ARHGEF40: variants seen among roughly 807,000 people sequenced by gnomAD.
The protein encoded by ARHGEF40 is Rho guanine nucleotide exchange factor (GEF) 40.
Under a neutral mutation model 165.9 loss-of-function variants are expected in ARHGEF40, and 98 were observed. That is an observed-to-expected ratio of 0.59 (90% CI 0.50 to 0.70). The LOEUF is 0.70. ARHGEF40 is among the 30% of genes least tolerant of loss of function. The pLI is 0.00. For missense variants in ARHGEF40, 1,815 were observed against 1,968.0 expected, an observed-to-expected ratio of 0.92 and a Z score of 1.47; for synonymous variants, 792 against 814.3, an observed-to-expected ratio of 0.97 and a Z score of 0.47.
In ARHGEF40 at chr14:21,078,960, C is replaced by G. The variant is rs796892810; in HGVS notation, c.2323C>G (p.Leu775Val). 3.1e-6 allele frequency: 5 copies of G among 1,614,090 alleles called. No homozygotes were observed. The highest frequency in any genetic ancestry group is 4.2e-6 in the Non-Finnish European group (5 of 1,180,020). Residue 775 changes from leucine to valine, a missense_variant, in exon 11 of 24, where the codon CTG becomes GTG. Coordinates refer to ENST00000298694, the MANE Select transcript of ARHGEF40 (RefSeq NM_018071.5). ...TCACCAGCTTGTGCGCCTCTCCAACCTGCACGTGCAGCAGCAAGAGCAGCG... is the reference window on the plus strand; with the variant it reads ...TCACCAGCTTGTGCGCCTCTCCAACGTGCACGTGCAGCAGCAAGAGCAGCG... ...AIHQLVRLSNLHVQQQEQRQC... is the reference protein window; with the variant it reads ...AIHQLVRLSNVHVQQQEQRQC...
At chr14:21,083,340 G>A (rs563139383) in intron 16 of ARHGEF40, among the ~76,000 whole-genome samples, 1 of 150,584 alleles carries the variant, frequency 6.6e-6, no homozygotes, top group Non-Finnish European at 1.5e-5. Context: ...AGGAGATTGA[G>A]ACTATCTGGC....
At position 21,080,711 on chromosome 14, in the gene ARHGEF40, A is replaced by T; in HGVS notation, c.2425A>T (p.Met809Leu). 1.9e-6 allele frequency: 3 copies of T among 1,612,278 alleles called. No homozygotes were observed. Among genetic ancestry groups the T allele is most frequent in the Non-Finnish European group, 2.5e-6 (3 of 1,179,256 alleles). The change falls in exon 12 of 24, where the codon ATG (methionine) becomes TTG (leucine). Residue 809 changes from methionine (M) to leucine (L), a missense_variant. Coordinates refer to ENST00000298694, the MANE Select transcript of ARHGEF40 (RefSeq NM_018071.5). ...PGEEQLASFA[M>L]PGDTLSALQE... ...GGAGGAGCAGCTGGCAAGCTTTGCT[A>T]TGCCTGGGGACACCTTGTCTGCCCT...
chr14:21,077,524 A>G (rs1485553681), intron 8 of ARHGEF40, among the ~76,000 whole-genome samples: 1 of 152,126 alleles, frequency 6.6e-6, no homozygotes, highest in East Asian at 1.9e-4. Context: ...GTTTCTGGAA[A>G]GCACTGAGAG....
upstream of ARHGEF40, among the ~76,000 whole-genome samples, chr14:21,067,980 CTTTTTTTTTTTTTTTTTTTT>C (rs1171332473): frequency 4.5e-5 from 1 of 22,262 alleles, no homozygotes; most frequent in African/African-American, 1.1e-4. Flanking sequence ...AGTGGCTCCC[CTTTTTTTTTTTTTTTTTTTT>C]TTTTTTTTTT....
chr14:21,087,420 CGAG>C lies in ARHGEF40; in HGVS notation c.4352_4354del (p.Glu1451del), dbSNP rs968000249. The C allele has an allele frequency of 1.6e-5, 26 of 1,601,356 alleles. No homozygotes were observed. The highest frequency in any genetic ancestry group is 4.4e-5 in the South Asian group (4 of 91,086). On this transcript the variant is annotated inframe_deletion, in exon 21 of 24. Transcript: ENST00000298694. ...GAGCCTGCTCCCTGCCTGCCCGCGTCGAGGAGGAGGCCTGGGATCTGGACGTCA... is the reference window on the plus strand; with the variant it reads ...GAGCCTGCTCCCTGCCTGCCCGCGTCGAGGAGGCCTGGGATCTGGACGTCA...
upstream of ARHGEF40, among the ~76,000 whole-genome samples, chr14:21,067,508 TG>T (rs1276708482): frequency 1.3e-5 from 2 of 152,212 alleles, no homozygotes. Flanking sequence ...GTTCACATCC[TG>T]GTTGCTCATT....
intron 22 of ARHGEF40, among the ~76,000 whole-genome samples, chr14:21,088,496 TAGTG>T (rs1324595112): frequency 1.4e-5 from 2 of 146,626 alleles, no homozygotes; most frequent in Non-Finnish European, 3.0e-5. Flanking sequence ...CTGGGCAACA[TAGTG>T]AGACTCCATC....
chr14:21,082,511 C>G, intron 15 of ARHGEF40, 33 bp downstream of exon 15: 2 of 1,538,644 alleles, frequency 1.3e-6, no homozygotes, highest in East Asian at 2.3e-5. Flanking sequence ...TCCAAGTGCT[C>G]TCCCTTCTCT....
rs1888213514 is a variant in ARHGEF40, at chr14:21,084,834, G to C, written c.3871G>C (p.Val1291Leu). 2 of 1,614,242 alleles carry C rather than the reference G, an allele frequency of 1.2e-6. No homozygotes were observed. The highest frequency in any genetic ancestry group is 4.5e-5 in the East Asian group (2 of 44,886). The change falls in exon 18 of 24, where the codon GTC becomes CTC. Residue 1291 changes from valine to leucine, a missense_variant. Val to Leu is a conservative substitution (Grantham distance 32). Transcript: ENST00000298694. ...TGGCCGAAAGAAGTGCCTTCGCCAT[G>C]TCTTTCTCTTCGAGCATCTCCTCCT... Reference protein sequence around the residue: ...ICGRKKCLRHVFLFEHLLLFS... With the variant: ...ICGRKKCLRHLFLFEHLLLFS...
chr14:21,070,346 GC>G lies in ARHGEF40; in HGVS notation c.-48del. 7.1e-7 allele frequency: 1 copy of G among 1,401,024 alleles called. No homozygotes were observed. Among genetic ancestry groups the G allele is most frequent in the Non-Finnish European group, 9.2e-7 (1 of 1,082,482 alleles). 86.8% of individuals were successfully genotyped at this position (1,401,024 alleles called of 1,614,324 possible). The stretch of plus-strand genomic sequence containing the variant: ...AGCGGCGGGAGGGAGGCGGTGGCGC[GC>G]CCGGCCCCGCCCGCCCGACCAAGCG... On this transcript the variant is annotated 5_prime_UTR_variant, in exon 1 of 24. Coordinates refer to ENST00000298694, the MANE Select transcript of ARHGEF40 (RefSeq NM_018071.5). The surrounding 1 kb of genome is among the most constrained non-coding windows in gnomAD (Gnocchi z 4.7).
rs1594572844 is a variant in ARHGEF40, at chr14:21,082,287, G to A, written c.3295G>A (p.Asp1099Asn). 1 of 1,613,108 alleles carries A rather than the reference G, an allele frequency of 6.2e-7. No homozygotes were observed. ...LVSELIACEQ[D>N]YVATLSEPVP... ...GTCTGAGCTGATTGCCTGTGAACAA[G>A]ATTACGTGGCCACCTTGAGTGAGCC... is the stretch of plus-strand genomic sequence containing the variant. Residue 1099 changes from aspartate to asparagine, a missense_variant, in exon 15 of 24, where the codon GAT becomes AAT. Coordinates refer to ENST00000298694, the MANE Select transcript of ARHGEF40 (RefSeq NM_018071.5).
chr14:21,070,925 G>T lies in ARHGEF40; in HGVS notation c.3+526G>T. Reference sequence around the variant, plus strand: ...ACTGGCCACAGCTGTGGCTGGGCCGGGTCCCGGGGCATGGCCAAAGAGGGA... The same window carrying T: ...ACTGGCCACAGCTGTGGCTGGGCCGTGTCCCGGGGCATGGCCAAAGAGGGA... On this transcript the variant is annotated intron_variant, in intron 1 of 23. Coordinates refer to ENST00000298694, the MANE Select transcript of ARHGEF40 (RefSeq NM_018071.5). This position sits in a 1 kb window ranked among gnomAD's most constrained non-coding sequence, Gnocchi z 4.7. 3.4e-6 allele frequency: 5 copies of T among 1,463,118 alleles called. No individual in the cohort carries two copies. In the South Asian group the frequency reaches 4.8e-5, roughly 14 times the overall value. 90.6% of individuals were successfully genotyped at this position (1,463,118 alleles called of 1,614,324 possible).
At chr14:21,080,629 A>T (rs576677029) in intron 11 of ARHGEF40, 31 bp from the exon 12 acceptor site, 2 of 1,593,868 alleles carry the variant, frequency 1.3e-6, no homozygotes, top group Non-Finnish European at 8.5e-7. Context: ...CCACTCCATG[A>T]CCCCCTGCCC....
chr14:21,069,764 T>C (rs1389119704), upstream of ARHGEF40, among the ~76,000 whole-genome samples: 1 of 152,052 alleles, frequency 6.6e-6, no homozygotes, highest in Non-Finnish European at 1.5e-5. Context: ...CCCTCCGCTC[T>C]CTGCTAGGCA....
At position 21,087,049 on chromosome 14, in the gene ARHGEF40, T is replaced by C; in HGVS notation, c.4187T>C (p.Phe1396Ser). ...MVSMGIGNKP[F>S]LDIKALGERT... ...TCCATGGGCATTGGGAATAAACCCT[T>C]CCTGGACATCAAAGCCCTTGGGGAG... Residue 1396 changes from phenylalanine (F) to serine (S), a missense_variant, in exon 20 of 24, where the codon TTC (phenylalanine) becomes TCC (serine). Physicochemically the swap from Phe to Ser is radical, Grantham distance 155. Coordinates refer to ENST00000298694, the MANE Select transcript of ARHGEF40 (RefSeq NM_018071.5). 1.9e-6 allele frequency: 3 copies of C among 1,607,524 alleles called. No homozygotes were observed. The highest frequency in any genetic ancestry group is 2.5e-6 in the Non-Finnish European group (3 of 1,176,848).
chr14:21,074,608 A>G lies in ARHGEF40; in HGVS notation c.878A>G (p.Lys293Arg), dbSNP rs2139215711. The change falls in exon 3 of 24, where the codon AAG becomes AGG. Residue 293 changes from lysine (K) to arginine (R), a missense_variant. By Grantham distance (26) the Lys-to-Arg change is conservative. Transcript: ENST00000298694. The surrounding 1 kb of genome is among the most constrained non-coding windows in gnomAD (Gnocchi z 4.8). ...HRRHRAWMHQ[K>R]GLGPRGQDGA... ...AGACACCGGGCGTGGATGCACCAGA[A>G]GGGCCTGGGGCCTCGGGGCCAGGAT... is the stretch of plus-strand genomic sequence containing the variant. 1 of 1,567,462 alleles carries G rather than the reference A, an allele frequency of 6.4e-7. No individual in the cohort carries two copies. The highest frequency in any genetic ancestry group is 2.3e-5 in the East Asian group (1 of 43,574).
At position 21,087,374 on chromosome 14, in the gene ARHGEF40, C is replaced by G. The variant is rs1340865581; in HGVS notation, c.4298C>G (p.Ser1433Cys). 10 of 1,604,588 alleles carry G rather than the reference C, an allele frequency of 6.2e-6. No homozygotes were observed. Among genetic ancestry groups the G allele is most frequent in the Non-Finnish European group, 8.5e-6 (10 of 1,179,848 alleles). Residue 1433 changes from serine (S) to cysteine (C), a missense_variant, in exon 21 of 24, where the codon TCC (serine) becomes TGC (cysteine). By Grantham distance (112) the Ser-to-Cys change is moderately radical. Coordinates refer to ENST00000298694, the MANE Select transcript of ARHGEF40 (RefSeq NM_018071.5). ...TCATCCTTTGAGCATGCCGGCCCCT[C>G]CCTTCCCGGCCTTTCGCCGGGAGCC... ...AVSSFEHAGPSLPGLSPGACS... is the reference protein window; with the variant it reads ...AVSSFEHAGPCLPGLSPGACS...
In ARHGEF40 at chr14:21,073,953, T is replaced by G; in HGVS notation, c.223T>G (p.Phe75Val). The change falls in exon 3 of 24, where the codon TTC (phenylalanine) becomes GTC (valine). Residue 75 changes from phenylalanine to valine, a missense_variant. By Grantham distance (50) the Phe-to-Val change is conservative. Transcript: ENST00000298694. This position sits in a 1 kb window ranked among gnomAD's most constrained non-coding sequence, Gnocchi z 4.6. ...CCAGGCCCAATACAGTGGATTCCTC[T>G]TCTTCCATGAGGGGTGGCCGCTCTG... ...EACAQYSGFL[F>V]FHEGWPLCLH... 1 of 1,605,836 alleles carries G rather than the reference T, an allele frequency of 6.2e-7. No homozygotes were observed. Among genetic ancestry groups the G allele is most frequent in the South Asian group, 1.1e-5 (1 of 90,948 alleles).
In ARHGEF40 at chr14:21,075,219, A is replaced by G. The variant is rs1416573166; in HGVS notation, c.1450+39A>G. 6.3e-7 allele frequency: 1 copy of G among 1,583,822 alleles called. No individual in the cohort carries two copies. The highest frequency in any genetic ancestry group is 2.2e-5 in the East Asian group (1 of 44,668). On this transcript the variant is annotated intron_variant, in intron 3 of 23. Transcript: ENST00000298694. This position sits in a 1 kb window ranked among gnomAD's most constrained non-coding sequence, Gnocchi z 4.5. Reference sequence around the variant, plus strand: ...GAGTGAGGCTCATGGGGCAAGGGCCAAAGCAGGTCGGGCCTATGGGAGGGG... The same window carrying G: ...GAGTGAGGCTCATGGGGCAAGGGCCGAAGCAGGTCGGGCCTATGGGAGGGG...
Sources: gnomAD v4.1 joint callset for allele counts (sites outside exome capture counted in the v4.1 genomes callset) on GRCh38, gnomAD v4.1.1 for gene constraint, Gnocchi (gnomAD v3.1) non-coding constraint, MANE v1.5 for transcripts, NCBI Gene and HGNC (gene_info 2026-07-23, HGNC 2026-07-21) for gene names.